STK38: variants seen among roughly 807,000 people sequenced by gnomAD.
STK38 encodes the protein serine/threonine-protein kinase 38.
A neutral mutation model predicts 59.0 loss-of-function variants in STK38; 26 were observed. That is an observed-to-expected ratio of 0.44 (90% CI 0.32 to 0.61). The LOEUF (loss-of-function observed/expected upper bound fraction) is 0.61, where lower values mean the gene tolerates loss of function less well. STK38 is among the 20% of genes least tolerant of loss of function. STK38 has a pLI of 0.04. For missense variants in STK38, 433 were observed against 566.0 expected, an observed-to-expected ratio of 0.76 and a Z score of 2.38; for synonymous variants, 175 against 176.6, an observed-to-expected ratio of 0.99 and a Z score of 0.07.
chr6:36,523,424 G>A (rs1236940595), intron 4 of STK38, among the ~76,000 whole-genome samples: 6 of 151,754 alleles, frequency 4.0e-5, no homozygotes, highest in East Asian at 1.9e-4. Context: ...CACCACACCC[G>A]GCTAATTTTT....
chr6:36,523,194 A>G (rs1369319885), intron 4 of STK38, among the ~76,000 whole-genome samples: 1 of 151,936 alleles, frequency 6.6e-6, no homozygotes, highest in East Asian at 1.9e-4. Flanking sequence ...GGAATTCTGA[A>G]CACTGAGGGA....
intron 10 of STK38, among the ~76,000 whole-genome samples, chr6:36,498,970 C>T (rs1776772554): frequency 6.6e-6 from 1 of 152,068 alleles, no homozygotes; most frequent in Non-Finnish European, 1.5e-5. Flanking sequence ...TTCCACTTAT[C>T]CCAGAAAATA....
intron 6 of STK38, among the ~76,000 whole-genome samples, chr6:36,516,796 G>A (rs1328607784): frequency 1.3e-5 from 2 of 152,198 alleles, no homozygotes; most frequent in Non-Finnish European, 2.9e-5. Flanking sequence ...GGCTCTGCAG[G>A]CCAGCTCCAC....
At chr6:36,544,778 G>T (rs946627584) in intron 1 of STK38, among the ~76,000 whole-genome samples, 2 of 152,006 alleles carry the variant, frequency 1.3e-5, no homozygotes, top group African/African-American at 2.4e-5. Context: ...AGGCTGAGGT[G>T]GGAGGATTGC....
chr6:36,538,459 TAAAA>T lies in STK38; in HGVS notation c.131+1609_131+1612del, dbSNP rs1169657169. Reference sequence around the variant, plus strand: ...AAGTGTATGCAATTGTCAAAACTCATAAAATGGTACCCTTGAACTTGTGCATTCC... The same window carrying T: ...AAGTGTATGCAATTGTCAAAACTCATTGGTACCCTTGAACTTGTGCATTCC... On this transcript the variant is annotated intron_variant, in intron 2 of 13. Transcript: ENST00000229812. 9.8e-5 allele frequency among the ~76,000 whole-genome samples: 15 copies of T among 152,342 alleles called. No homozygotes were observed. The East Asian group carries it at 2.1e-3, about 22-fold the overall frequency.
intron 2 of STK38, among the ~76,000 whole-genome samples, chr6:36,536,517 T>G (rs1251233825): frequency 6.6e-6 from 1 of 151,974 alleles, no homozygotes; most frequent in East Asian, 1.9e-4. Context: ...AACAAAAAAT[T>G]TTTTTTAATT....
chr6:36,522,650 G>A (rs539489543), intron 4 of STK38: 3 of 152,170 alleles, frequency 2.0e-5, no homozygotes, highest in Admixed American at 2.0e-4. Flanking sequence ...TGAGGTCCAG[G>A]AGTTCGAGAC....
rs753041372 is a variant in STK38, at chr6:36,521,724, T to C, written c.390+10A>G. The C allele has an allele frequency of 1.3e-6, 2 of 1,598,018 alleles. No individual in the cohort carries two copies. The highest frequency in any genetic ancestry group is 1.7e-5 in the Admixed American group (1 of 57,636). Reference sequence around the variant, plus strand: ...AATAAGCTAAAAGCACTGCTACAACTGTGCTTTACCTGCTCTTTTTCAAGC... The same window carrying C: ...AATAAGCTAAAAGCACTGCTACAACCGTGCTTTACCTGCTCTTTTTCAAGC... On this transcript the variant is annotated intron_variant, in intron 5 of 13. Coordinates refer to ENST00000229812, the MANE Select transcript of STK38 (RefSeq NM_007271.4).
chr6:36,501,958 T>A (rs1167461723), intron 9 of STK38, among the ~76,000 whole-genome samples: 1 of 152,192 alleles, frequency 6.6e-6, no homozygotes, highest in Non-Finnish European at 1.5e-5. Context: ...TTAACTAGAA[T>A]ATTGCTGAGC....
intron 9 of STK38, among the ~76,000 whole-genome samples, chr6:36,503,429 AGT>A (rs147635090): frequency 1.5e-4 from 21 of 143,242 alleles, no homozygotes; most frequent in Non-Finnish European, 1.5e-4. Context: ...CATATAGCTA[AGT>A]GTGTGTGTGT....
chr6:36,547,149 A>T (rs1361879424), intron 1 of STK38, 41 bp downstream of exon 1: 1 of 152,762 alleles, frequency 6.5e-6, no homozygotes, highest in African/African-American at 2.4e-5. Context: ...TAAAGGAAAA[A>T]CCCCGGGATG....
At chr6:36,513,848 T>TAAAAAAAAAA (rs1178706954) in intron 7 of STK38, among the ~76,000 whole-genome samples, 3 of 63,814 alleles carry the variant, frequency 4.7e-5, no homozygotes, top group African/African-American at 1.3e-4. Flanking sequence ...TACTAAAAAT[T>TAAAAAAAAAA]AAAAAAAAAA....
At chr6:36,544,375 C>G (rs749316909) in intron 1 of STK38, among the ~76,000 whole-genome samples, 25 of 151,830 alleles carry the variant, frequency 1.6e-4, no homozygotes, top group Admixed American at 2.6e-4. Context: ...GTTTGTGAAG[C>G]TTGGGTGTGG....
intron 6 of STK38, among the ~76,000 whole-genome samples, chr6:36,516,263 A>G (rs1431666799): frequency 6.6e-6 from 1 of 152,212 alleles, no homozygotes; most frequent in Non-Finnish European, 1.5e-5. Flanking sequence ...TCAAAATTTC[A>G]TCATTTCTAA....
At chr6:36,497,938 CTT>C (rs147832342) in intron 11 of STK38, 63 bp from the exon 12 acceptor site, 160,550 of 641,636 alleles carry the variant, frequency 0.25, 5,921 homozygotes, top group East Asian at 0.32. Flanking sequence ...GAAAAACTTT[CTT>C]TTTTTTTTTT....
chr6:36,508,555 T>C (rs536710179), intron 7 of STK38, among the ~76,000 whole-genome samples: 2 of 152,338 alleles, frequency 1.3e-5, no homozygotes, highest in African/African-American at 4.8e-5. Context: ...TATTATTGGA[T>C]AGTCCTTGAT....
At chr6:36,514,706 G>A (rs964989340) in intron 7 of STK38, among the ~76,000 whole-genome samples, 1 of 151,718 alleles carries the variant, frequency 6.6e-6, no homozygotes, top group African/African-American at 2.4e-5. Flanking sequence ...CTGGGCAGGG[G>A]CGTGGTGGTG....
chr6:36,526,220 GTTTTT>G (rs60509165), intron 2 of STK38, among the ~76,000 whole-genome samples: 32,066 of 130,434 alleles, frequency 0.25, 3,652 homozygotes, highest in East Asian at 0.39. Flanking sequence ...GGTTTTGGGT[GTTTTT>G]TTTTTTTTTT....
intron 7 of STK38, among the ~76,000 whole-genome samples, chr6:36,509,181 C>A (rs139373400): frequency 7.3e-4 from 111 of 152,278 alleles, no homozygotes; most frequent in Middle Eastern, 6.8e-3. Context: ...ATGAGGTATA[C>A]GGACAACTGG....
Sources: gnomAD v4.1 joint callset for allele counts (sites outside exome capture counted in the v4.1 genomes callset) on GRCh38, gnomAD v4.1.1 for gene constraint, MANE v1.5 for transcripts, NCBI Gene and HGNC (gene_info 2026-07-23, HGNC 2026-07-21) for gene names.